The following TMPRSS7 variants were observed in gnomAD, a reference collection of about 807,000 sequenced individuals.
The protein encoded by TMPRSS7 is transmembrane protease serine 7.
Under a neutral mutation model 95.6 loss-of-function variants are expected in TMPRSS7, and 81 were observed. That is an observed-to-expected ratio of 0.85 (90% confidence interval 0.71 to 1.02). TMPRSS7 has a LOEUF of 1.02. TMPRSS7 is among the 50% of genes least tolerant of loss of function. The pLI is 0.00. For missense variants in TMPRSS7, 945 were observed against 955.2 expected (o/e 0.99, Z 0.14); for synonymous variants, 364 against 337.8 (o/e 1.08, Z -0.85).
intron 3 of TMPRSS7, among the ~76,000 whole-genome samples, chr3:112,044,035 T>G (rs927822975): frequency 2.0e-5 from 3 of 152,236 alleles, no homozygotes; most frequent in Non-Finnish European, 2.9e-5. Flanking sequence ...TTTCACTGAT[T>G]TTTCACAGAT....
rs145072324 is a variant in TMPRSS7, at chr3:112,080,653, A to G, written c.2362-261A>G. Among the ~76,000 whole-genome samples, 712 of 152,256 alleles carry G rather than the reference A, an allele frequency of 4.7e-3. 1 individual carries two copies. Among genetic ancestry groups the G allele is most frequent in the Admixed American group, 0.013 (197 of 15,300 alleles). Reference sequence around the variant, plus strand: ...GGGCTATGTGAGAGTTGTTTTCTCCAGTAAGAATCTTCCAGTGTTATTCTT... The same window carrying G: ...GGGCTATGTGAGAGTTGTTTTCTCCGGTAAGAATCTTCCAGTGTTATTCTT... On this transcript the variant is annotated intron_variant, in intron 17 of 17. Transcript: ENST00000452346.
At chr3:112,078,909 A>C in intron 17 of TMPRSS7, 31 bp downstream of exon 17, 1 of 1,607,262 alleles carries the variant, frequency 6.2e-7, no homozygotes, top group East Asian at 2.2e-5. Flanking sequence ...CTTGCCTAAC[A>C]TGTTGTGCTT....
At chr3:112,046,930 A>C (rs746096454) in intron 5 of TMPRSS7, 44 bp from the exon 6 acceptor site, 4 of 696,436 alleles carry the variant, frequency 5.7e-6, no homozygotes, top group Non-Finnish European at 1.0e-5. Flanking sequence ...TAACAAAATG[A>C]AATGATAGGA....
chr3:112,035,531 A>C lies in TMPRSS7; in HGVS notation c.48+638A>C, dbSNP rs79475592. Among the ~76,000 whole-genome samples the C allele has an allele frequency of 2.6e-3, 392 of 152,358 alleles. 7 individuals are homozygous for C. In the South Asian group the frequency reaches 0.04, roughly 15 times the overall value. On this transcript the variant is annotated intron_variant, in intron 1 of 17. Coordinates refer to ENST00000452346, the Ensembl canonical transcript of TMPRSS7. ...GCAAGATTAAAGACTGGAGGGCATG[A>C]ATTTTGAAGAGAAGAGTGAGGGAGA...
At chr3:112,038,523 T>G (rs989886476) in intron 2 of TMPRSS7, among the ~76,000 whole-genome samples, 3 of 152,072 alleles carry the variant, frequency 2.0e-5, no homozygotes, top group Non-Finnish European at 2.9e-5. Context: ...CAGGCTGGAG[T>G]GTAGTGGCAC....
exon 12 of TMPRSS7, chr3:112,063,608 G>T: frequency 1.2e-6 from 2 of 1,614,022 alleles, no homozygotes; most frequent in South Asian, 2.2e-5. Flanking sequence ...TGACTGCTTT[G>T]ATGAAAGTGA....
At chr3:112,056,886 T>G in intron 9 of TMPRSS7, 139 bp from the exon 10 acceptor site, 1 of 545,674 alleles carries the variant, frequency 1.8e-6, no homozygotes, top group Non-Finnish European at 3.2e-6. Flanking sequence ...CTTATCCCGC[T>G]TTGTTCAGGA....
chr3:112,038,087 G>A (rs2073166033), exon 2 of TMPRSS7: 1 of 702,354 alleles, frequency 1.4e-6, no homozygotes, highest in Non-Finnish European at 2.6e-6. Context: ...CAATATCTCA[G>A]TCCAAGTGGT....
chr3:112,060,930 C>A (rs1463617886), intron 10 of TMPRSS7, among the ~76,000 whole-genome samples: 1 of 152,188 alleles, frequency 6.6e-6, no homozygotes, highest in Non-Finnish European at 1.5e-5. Flanking sequence ...ATCTGGGGAA[C>A]TAATAAATGT....
At chr3:112,066,870 T>G (rs1576117127) in intron 13 of TMPRSS7, among the ~76,000 whole-genome samples, 2 of 152,326 alleles carry the variant, frequency 1.3e-5, no homozygotes, top group Non-Finnish European at 2.9e-5. Flanking sequence ...AGGGTACATG[T>G]GCACAACGTG....
chr3:112,046,042 G>T, intron 5 of TMPRSS7, 99 bp downstream of exon 5: 1 of 1,062,928 alleles, frequency 9.4e-7, no homozygotes, highest in Admixed American at 2.9e-5. Context: ...TACAATGTGG[G>T]ATTACCCCAC....
intron 2 of TMPRSS7, among the ~76,000 whole-genome samples, chr3:112,040,982 A>G (rs146032450): frequency 1.0e-3 from 158 of 150,996 alleles, no homozygotes; most frequent in African/African-American, 3.5e-3. Flanking sequence ...TTACATGGTT[A>G]TTGTTCTGAC....
chr3:112,061,066 C>T (rs990812503), intron 10 of TMPRSS7, among the ~76,000 whole-genome samples: 7 of 149,966 alleles, frequency 4.7e-5, no homozygotes, highest in African/African-American at 1.7e-4. Context: ...CAAGATCTTT[C>T]AGGTTTCTCT....
chr3:112,055,879 G>T (rs2073426783), intron 9 of TMPRSS7, among the ~76,000 whole-genome samples: 1 of 152,174 alleles, frequency 6.6e-6, no homozygotes, highest in South Asian at 2.1e-4. Flanking sequence ...TCAAAAACAA[G>T]TGGAAATACA....
intron 11 of TMPRSS7, among the ~76,000 whole-genome samples, chr3:112,062,387 T>C (rs1206781032): frequency 6.6e-6 from 1 of 152,146 alleles, no homozygotes. Context: ...GAATATTGAG[T>C]TTGAAATTCA....
intron 9 of TMPRSS7, 89 bp from the exon 10 acceptor site, chr3:112,056,936 G>A: frequency 1.1e-6 from 1 of 878,042 alleles, no homozygotes; most frequent in South Asian, 1.7e-5. Context: ...GGCGCAAGTA[G>A]AATGGCCTTA....
intron 12 of TMPRSS7, among the ~76,000 whole-genome samples, chr3:112,064,281 C>T (rs1303471236): frequency 1.3e-5 from 2 of 152,202 alleles, no homozygotes; most frequent in Non-Finnish European, 2.9e-5. Context: ...TTTCAGCGTG[C>T]TCCTTTATGA....
downstream of TMPRSS7, chr3:112,081,169 A>C: frequency 1.4e-6 from 2 of 1,382,370 alleles, no homozygotes; most frequent in Non-Finnish European, 2.0e-6. Flanking sequence ...GCGCTGGCTC[A>C]CACCTGTAAT....
chr3:112,076,978 T>C, exon 16 of TMPRSS7: 1 of 1,614,218 alleles, frequency 6.2e-7, no homozygotes, highest in East Asian at 2.2e-5. Context: ...ACGAGTACTA[T>C]AACAGTCAGA....
Sources: allele counts gnomAD v4.1 joint callset (sites outside exome capture counted in the v4.1 genomes callset), GRCh38; gene constraint gnomAD v4.1.1; transcripts MANE v1.5; gene names NCBI Gene and HGNC (gene_info 2026-07-23, HGNC 2026-07-21).